Variants in GATAD2B observed in about 807,000 individuals in gnomAD.
The protein encoded by GATAD2B is transcriptional repressor p66-beta.
A neutral mutation model predicts 64.3 loss-of-function variants in GATAD2B; 8 were observed. The observed-to-expected ratio is 0.12, with a 90% CI of 0.07 to 0.22. The LOEUF is 0.22. Among genes scored for constraint, GATAD2B ranks in the 10% least tolerant of loss-of-function variants. The pLI is 1.00. For missense variants in GATAD2B, 453 were observed against 752.0 expected, an observed-to-expected ratio of 0.60 and a Z score of 4.65; for synonymous variants, 281 against 271.3, an observed-to-expected ratio of 1.04 and a Z score of -0.35.
chr1:153,857,322 T>A (rs1676121896), intron 1 of GATAD2B, among the ~76,000 whole-genome samples: 1 of 151,896 alleles, frequency 6.6e-6, no homozygotes. Context: ...GGTGCGCACT[T>A]GGAGTCCCAG....
chr1:153,898,005 A>C (rs200869060), intron 1 of GATAD2B, among the ~76,000 whole-genome samples: 51 of 70,552 alleles, frequency 7.2e-4, no homozygotes, highest in East Asian at 2.8e-3. Context: ...AAAAAAAAAC[A>C]AAAAAAAAAA....
intron 1 of GATAD2B, among the ~76,000 whole-genome samples, chr1:153,844,421 TAAA>T (rs764420139): frequency 1.2e-5 from 1 of 80,274 alleles, no homozygotes. Context: ...TAACAAATTA[TAAA>T]AAAAAAAAAA....
intron 1 of GATAD2B, among the ~76,000 whole-genome samples, chr1:153,863,030 T>G (rs1676365189): frequency 6.6e-6 from 1 of 151,596 alleles, no homozygotes; most frequent in African/African-American, 2.4e-5. Flanking sequence ...GGCATACTTT[T>G]TTTAAGAGAA....
intron 2 of GATAD2B, among the ~76,000 whole-genome samples, chr1:153,825,105 A>C (rs1261414449): frequency 6.6e-6 from 1 of 152,156 alleles, no homozygotes; most frequent in Middle Eastern, 3.2e-3. Context: ...AAAGAGAAGG[A>C]AAGGAAAGAA....
At chr1:153,853,278 C>G (rs1383502303) in intron 1 of GATAD2B, 4 of 928,710 alleles carry the variant, frequency 4.3e-6, no homozygotes, top group Non-Finnish European at 7.1e-6. Flanking sequence ...ATCTCACACA[C>G]AGACTTCAAG....
intron 1 of GATAD2B, among the ~76,000 whole-genome samples, chr1:153,860,358 A>G (rs1035225957): frequency 1.5e-4 from 23 of 152,162 alleles, no homozygotes; most frequent in Admixed American, 9.8e-4. Flanking sequence ...TCCAAAAGAC[A>G]GGGCCTCACT....
chr1:153,921,501 A>C (rs1678427056), intron 1 of GATAD2B, among the ~76,000 whole-genome samples: 1 of 152,208 alleles, frequency 6.6e-6, no homozygotes, highest in Non-Finnish European at 1.5e-5. Context: ...GTCTGGCCTG[A>C]AAACACTGCT....
chr1:153,823,308 C>T (rs1431946676), intron 2 of GATAD2B, among the ~76,000 whole-genome samples: 1 of 152,188 alleles, frequency 6.6e-6, no homozygotes, highest in Non-Finnish European at 1.5e-5. Context: ...AGCTATAAAG[C>T]TCCTAATCCT....
chr1:153,814,230 G>GA (rs2101877156), intron 7 of GATAD2B, among the ~76,000 whole-genome samples: 1 of 152,282 alleles, frequency 6.6e-6, no homozygotes, highest in East Asian at 1.9e-4. Context: ...AGCTAATACT[G>GA]ACTCCTCTGG....
chr1:153,910,249 G>C (rs1678072734), intron 1 of GATAD2B, among the ~76,000 whole-genome samples: 1 of 152,182 alleles, frequency 6.6e-6, no homozygotes, highest in Non-Finnish European at 1.5e-5. Context: ...TTCACACACA[G>C]ATTAGAAGAC....
Position 153,812,089 on chromosome 1 carries a change from G to A in GATAD2B, c.1463C>T (p.Thr488Ile). Residue 488 changes from threonine to isoleucine, a missense_variant, in exon 9 of 11, where the codon ACT (threonine) becomes ATT (isoleucine). This residue lies in a region of GATAD2B where 160 missense variants were observed against 334.7 expected (regional missense o/e 0.48). Transcript: ENST00000368655. ...GACACTGGACACAGCTGGAGCCGTAGTGGGGGAGAGGGCTGCCTGCTGCTG... is the reference window on the plus strand; with the variant it reads ...GACACTGGACACAGCTGGAGCCGTAATGGGGGAGAGGGCTGCCTGCTGCTG... ...RLQQQAALSP[T>I]TAPAVSSVSK... 2 of 1,613,114 alleles carry A rather than the reference G, an allele frequency of 1.2e-6. No homozygotes were observed. Among genetic ancestry groups the A allele is most frequent in the Non-Finnish European group, 1.7e-6 (2 of 1,179,240 alleles).
chr1:153,820,974 ATTTTTTTTTTTTTT>A (rs869096882), intron 2 of GATAD2B, among the ~76,000 whole-genome samples: 15 of 50,864 alleles, frequency 2.9e-4, no homozygotes, highest in East Asian at 1.7e-3. Context: ...GGCACATGGA[ATTTTTTTTTTTTTT>A]TTTTTTTTTT....
At position 153,841,331 on chromosome 1, in the gene GATAD2B, T is replaced by C. The variant is rs528501985; in HGVS notation, c.-1-12983A>G. 5.3e-5 allele frequency among the ~76,000 whole-genome samples: 8 copies of C among 152,158 alleles called. No homozygotes were observed. The South Asian group carries it at 8.3e-4, about 16-fold the overall frequency. On this transcript the variant is annotated intron_variant, in intron 1 of 10. Coordinates refer to ENST00000368655, the MANE Select transcript of GATAD2B (RefSeq NM_020699.4). ...TTTGTATGTACTTAGTTCTACACAA[T>C]TTTGTCACATTTGTAAGTTCATGTA...
intron 10 of GATAD2B, 188 bp downstream of exon 10, chr1:153,811,543 C>G: frequency 1.5e-6 from 1 of 672,748 alleles, no homozygotes; most frequent in South Asian, 1.7e-5. Context: ...CACCAAAACC[C>G]TAGTGCATTG....
At chr1:153,834,454 G>T (rs1387645562) in intron 1 of GATAD2B, among the ~76,000 whole-genome samples, 3 of 151,656 alleles carry the variant, frequency 2.0e-5, no homozygotes, top group Non-Finnish European at 4.4e-5. Context: ...GAGTGCAATG[G>T]TGCGATCTCA....
intron 1 of GATAD2B, among the ~76,000 whole-genome samples, chr1:153,835,868 G>A (rs1469623501): frequency 6.6e-6 from 1 of 151,814 alleles, no homozygotes; most frequent in Non-Finnish European, 1.5e-5. Flanking sequence ...GATTACAGGC[G>A]CGTACCACCA....
chr1:153,845,656 G>C (rs897627863), intron 1 of GATAD2B, among the ~76,000 whole-genome samples: 1 of 144,938 alleles, frequency 6.9e-6, no homozygotes, highest in East Asian at 2.3e-4. Flanking sequence ...GGCTGCAAGG[G>C]GGGGTGAGGT....
chr1:153,827,387 G>A (rs1053608761), intron 2 of GATAD2B, among the ~76,000 whole-genome samples: 9 of 152,034 alleles, frequency 5.9e-5, no homozygotes, highest in African/African-American at 2.2e-4. Flanking sequence ...CTTACTGTGT[G>A]CTCTACAGTT....
At chr1:153,811,972 T>C (rs371331593) in intron 9 of GATAD2B, 50 bp downstream of exon 9, 2 of 1,328,030 alleles carry the variant, frequency 1.5e-6, no homozygotes, top group Non-Finnish European at 2.2e-6. Context: ...TTGTGATAAA[T>C]GGCTGATAAA....
Sources: allele counts gnomAD v4.1 joint callset (sites outside exome capture counted in the v4.1 genomes callset), GRCh38; gene constraint gnomAD v4.1.1; regional missense constraint gnomAD v4.1.1; transcripts MANE v1.5; gene names NCBI Gene and HGNC (gene_info 2026-07-23, HGNC 2026-07-21).